SLC25A48: variants seen among roughly 807,000 people sequenced by gnomAD.
SLC25A48 encodes the protein solute carrier family 25 member 48, also known as CTC-321K16.1.
In SLC25A48, 29 loss-of-function variants were observed where a neutral mutation model predicts 32.2. The ratio of observed to expected loss-of-function variants is 0.90; its 90% CI spans 0.67 to 1.23. SLC25A48 has a LOEUF of 1.23. Ranked by LOEUF, SLC25A48 falls within the 50% of genes most tolerant of loss-of-function variation. The pLI is 0.00. For synonymous variants in SLC25A48, 164 were observed against 172.3 expected (o/e 0.95, Z 0.38); for missense variants, 399 against 422.7 (o/e 0.94, Z 0.49).
At chr5:135,690,264 G>A (rs919408151) in intron 3 of SLC25A48, among the ~76,000 whole-genome samples, 1 of 152,190 alleles carries the variant, frequency 6.6e-6, no homozygotes, top group Non-Finnish European at 1.5e-5. Context: ...CATAATGCAT[G>A]TGGCATTGGG....
intron 3 of SLC25A48, among the ~76,000 whole-genome samples, chr5:135,795,668 A>T (rs1757150328): frequency 6.6e-6 from 1 of 151,648 alleles, no homozygotes; most frequent in South Asian, 2.1e-4. Context: ...CATAATATTC[A>T]GGGGGGTAGA....
At position 135,786,711 on chromosome 5, in the gene SLC25A48, CTGTT is replaced by C. The variant is rs201914090; in HGVS notation, c.-520-25808_-520-25805del. On this transcript the variant is annotated intron_variant, in intron 3 of 10. Transcript: ENST00000646290. ...CCATGTGCGTACACCCTCTGTGACACTGTTTGTAATATCCTGGCGAGATGTTATA... is the reference window on the plus strand; with the variant it reads ...CCATGTGCGTACACCCTCTGTGACACTGTAATATCCTGGCGAGATGTTATA... Among the ~76,000 whole-genome samples the C allele has an allele frequency of 5.4e-3, 816 of 151,826 alleles. 6 individuals carry two copies. The highest frequency in any genetic ancestry group is 0.019 in the African/African-American group (777 of 41,394).
chr5:135,792,155 C>A (rs1757047339), intron 3 of SLC25A48, among the ~76,000 whole-genome samples: 1 of 151,736 alleles, frequency 6.6e-6, no homozygotes, highest in Admixed American at 6.6e-5. Context: ...GCATGTTACT[C>A]CTAATGTAAC....
chr5:135,844,737 T>C (rs952432769), intron 2 of SLC25A48, among the ~76,000 whole-genome samples: 16 of 152,212 alleles, frequency 1.1e-4, no homozygotes, highest in African/African-American at 3.1e-4. Flanking sequence ...AGCAAGATTT[T>C]AACCAAAATT....
At chr5:135,678,243 CTG>C (rs1464014766) in intron 3 of SLC25A48, among the ~76,000 whole-genome samples, 2 of 151,976 alleles carry the variant, frequency 1.3e-5, no homozygotes, top group Non-Finnish European at 2.9e-5. Context: ...TTTTGCCTGA[CTG>C]GGTTATTTCA....
At chr5:135,696,235 G>T (rs572978971) in intron 3 of SLC25A48, among the ~76,000 whole-genome samples, 1 of 152,322 alleles carries the variant, frequency 6.6e-6, no homozygotes, top group East Asian at 1.9e-4. Flanking sequence ...GTGCACAGGG[G>T]ATGAGCCAAA....
At chr5:135,745,800 C>T (rs7379070) in intron 3 of SLC25A48, among the ~76,000 whole-genome samples, 39,437 of 152,024 alleles carry the variant, frequency 0.26, 5,431 homozygotes, top group East Asian at 0.46. Context: ...GGTCAACACA[C>T]TTCTGTTGAA....
Position 135,794,111 on chromosome 5 carries a change from C to T in SLC25A48, c.-520-18412C>T, listed in dbSNP as rs552962588. 8.6e-5 allele frequency among the ~76,000 whole-genome samples: 13 copies of T among 151,928 alleles called. 1 individual carries two copies. In the Middle Eastern group the frequency reaches 0.021, roughly 242 times the overall value. ...TCTAGGGAAAGAGAGAATGATATTA[C>T]TCAAGATATCCCAGGGGATGCACAT... On this transcript the variant is annotated intron_variant, in intron 3 of 10. Transcript: ENST00000646290.
rs1402681382 is a variant in SLC25A48 at position 135,876,128 on chromosome 5, C to CTTTTTT, written c.813+1976_813+1977insTTTTTT. 18 of 47,862 alleles carry CTTTTTT rather than the reference C, an allele frequency of 3.8e-4. 4 individuals carry two copies. Among genetic ancestry groups the CTTTTTT allele is most frequent in the East Asian group, 2.3e-3 (2 of 862 alleles). The allele number at this position is 47,862 out of a possible 1,614,324, so 3.0% of individuals were successfully genotyped here. A position where few individuals can be genotyped will look rare whatever the true frequency, so the allele number is the denominator to read the frequency against. Reference sequence around the variant, plus strand: ...TTGTCTTTTGTATCTTTTTTTTCTTCTTCTTTTTTTTTTTTTTTTTTTTTT... The same window carrying CTTTTTT: ...TTGTCTTTTGTATCTTTTTTTTCTTCTTTTTTTTCTTTTTTTTTTTTTTTTTTTTTT... On this transcript the variant is annotated intron_variant, in intron 6 of 7. Transcript: ENST00000681962.
chr5:135,606,036 C>G (rs1365553733), intron 1 of SLC25A48, among the ~76,000 whole-genome samples: 4 of 152,066 alleles, frequency 2.6e-5, no homozygotes, highest in African/African-American at 9.7e-5. Context: ...AATTTCAGCC[C>G]TAGGGGAAAG....
chr5:135,763,686 C>G (rs188833301), intron 3 of SLC25A48, among the ~76,000 whole-genome samples: 101 of 151,942 alleles, frequency 6.6e-4, no homozygotes, highest in African/African-American at 2.3e-3. Flanking sequence ...TAAACTTTGT[C>G]TTTCTCGAAG....
intron 3 of SLC25A48, among the ~76,000 whole-genome samples, chr5:135,790,124 T>C (rs911510330): frequency 1.2e-4 from 18 of 151,526 alleles, no homozygotes; most frequent in African/African-American, 3.9e-4. Flanking sequence ...TGATATCTAT[T>C]ATTATTATAA....
intron 3 of SLC25A48, among the ~76,000 whole-genome samples, chr5:135,641,243 G>A (rs1752830215): frequency 1.3e-5 from 2 of 152,188 alleles, no homozygotes; most frequent in Non-Finnish European, 2.9e-5. Context: ...TGAGGAAGAG[G>A]CCTGTCATGG....
intron 7 of SLC25A48, among the ~76,000 whole-genome samples, chr5:135,886,753 G>A (rs1762754468): frequency 6.7e-6 from 1 of 149,252 alleles, no homozygotes; most frequent in South Asian, 2.1e-4. Context: ...TACAGGCATT[G>A]GGTGACAATG....
intron 1 of SLC25A48, among the ~76,000 whole-genome samples, chr5:135,842,115 T>C (rs989670196): frequency 2.6e-4 from 39 of 152,322 alleles, no homozygotes; most frequent in African/African-American, 9.1e-4. Flanking sequence ...TCTATTTTGA[T>C]TTAATTTTGT....
At chr5:135,812,734 A>G (rs747803433) in exon 4 of SLC25A48, 1 of 152,266 alleles carries the variant, frequency 6.6e-6, no homozygotes, top group Non-Finnish European at 1.5e-5. Context: ...ACAGCAAACC[A>G]AGATGTGTGC....
At chr5:135,719,172 G>A (rs1754886703) in intron 3 of SLC25A48, among the ~76,000 whole-genome samples, 1 of 152,158 alleles carries the variant, frequency 6.6e-6, no homozygotes, top group Non-Finnish European at 1.5e-5. Flanking sequence ...TTTAAAAGAT[G>A]GGCTAACTCT....
chr5:135,655,952 A>G (rs910643698), intron 3 of SLC25A48, among the ~76,000 whole-genome samples: 31 of 152,174 alleles, frequency 2.0e-4, no homozygotes, highest in African/African-American at 7.2e-4. Context: ...ATTATTCCCC[A>G]CTGACATGCA....
chr5:135,870,111 G>C lies in SLC25A48; in HGVS notation c.422-1350G>C, dbSNP rs144926263. On this transcript the variant is annotated intron_variant, in intron 4 of 7. Coordinates refer to ENST00000681962, the MANE Select transcript of SLC25A48 (RefSeq NM_001349336.2). ...TCTGATAAAGATGGACTGTTTGGGG[G>C]ACTTGGACATTGACCTATATGATGA... Among the ~76,000 whole-genome samples the C allele has an allele frequency of 1.1e-3, 164 of 152,308 alleles. 1 individual carries two copies. The highest frequency in any genetic ancestry group is 3.8e-3 in the African/African-American group (156 of 41,572).
Sources: allele counts gnomAD v4.1 joint callset (sites outside exome capture counted in the v4.1 genomes callset), GRCh38; gene constraint gnomAD v4.1.1; transcripts MANE v1.5; gene names NCBI Gene and HGNC (gene_info 2026-07-23, HGNC 2026-07-21).